DAB1: variants seen among roughly 807,000 people sequenced by gnomAD.
DAB1 encodes disabled homolog 1.
A neutral mutation model predicts 64.6 loss-of-function variants in DAB1; 15 were observed. The ratio of observed to expected loss-of-function variants is 0.23; its 90% CI spans 0.16 to 0.36. DAB1 has a LOEUF of 0.36. DAB1 is among the 10% of genes least tolerant of loss of function. The pLI is 1.00. For synonymous variants in DAB1, 235 were observed against 251.9 expected, an observed-to-expected ratio of 0.93 and a Z score of 0.64; for missense variants, 596 against 706.7, an observed-to-expected ratio of 0.84 and a Z score of 1.78.
At chr1:57,357,812 AACTC>A (rs1558231731) in intron 1 of DAB1, among the ~76,000 whole-genome samples, 1 of 151,854 alleles carries the variant, frequency 6.6e-6, no homozygotes, top group Non-Finnish European at 1.5e-5. Flanking sequence ...ATCTCATGAG[AACTC>A]ACTCACTATC....
chr1:58,450,205 G>A (rs943490070), intron 3 of DAB1, among the ~76,000 whole-genome samples: 3 of 152,184 alleles, frequency 2.0e-5, no homozygotes, highest in Non-Finnish European at 4.4e-5. Context: ...GGGTGAATCT[G>A]CCAAGGAAAC....
intron 2 of DAB1, among the ~76,000 whole-genome samples, chr1:57,245,726 G>T (rs1003613841): frequency 6.6e-6 from 1 of 152,182 alleles, no homozygotes; most frequent in Non-Finnish European, 1.5e-5. Flanking sequence ...ATTGCGAATA[G>T]TGCCGCAATA....
intron 2 of DAB1, among the ~76,000 whole-genome samples, chr1:57,232,114 G>A (rs756274573): frequency 1.3e-5 from 2 of 151,976 alleles, no homozygotes; most frequent in Non-Finnish European, 2.9e-5. Context: ...GGCCACTGCC[G>A]CCCATGCCCT....
rs185060348 is a variant in DAB1, at chr1:57,895,444, A to G, written n.388-11282T>C. ...TTAACCATCACATTATTGCCTCTAG[A>G]TATTCCAGAAACAACTAAATCAACC... On this transcript the variant is annotated intron_variant and non_coding_transcript_variant, in intron 5 of 20. Coordinates refer to the DAB1 transcript ENST00000485760. Among the ~76,000 whole-genome samples, 292 of 152,298 alleles carry G rather than the reference A, an allele frequency of 1.9e-3. 2 individuals are homozygous for G. Among genetic ancestry groups the G allele is most frequent in the African/African-American group, 6.7e-3 (280 of 41,572 alleles).
intron 7 of DAB1, among the ~76,000 whole-genome samples, chr1:57,477,134 A>T (rs1326471617): frequency 6.6e-6 from 1 of 152,224 alleles, no homozygotes; most frequent in Non-Finnish European, 1.5e-5. Context: ...TCAGCGAGAC[A>T]AAGATCTGTT....
intron 4 of DAB1, among the ~76,000 whole-genome samples, chr1:58,297,174 C>A (rs969367960): frequency 6.6e-6 from 1 of 152,212 alleles, no homozygotes; most frequent in Non-Finnish European, 1.5e-5. Context: ...ATTCAAGCTT[C>A]TTTCACTTAT....
chr1:57,323,047 A>ATG (rs1675850262), intron 1 of DAB1, among the ~76,000 whole-genome samples: 1 of 151,560 alleles, frequency 6.6e-6, no homozygotes, highest in Non-Finnish European at 1.5e-5. Context: ...GAGTTCTGAG[A>ATG]TTTTTTTTTG....
At chr1:58,236,417 C>T (rs1660045126) in intron 4 of DAB1, among the ~76,000 whole-genome samples, 1 of 152,076 alleles carries the variant, frequency 6.6e-6, no homozygotes, top group East Asian at 1.9e-4. Context: ...ATCGGAAAGA[C>T]GCATGGGGGA....
chr1:57,828,518 G>A (rs2101901925), intron 1 of DAB1, among the ~76,000 whole-genome samples: 1 of 152,068 alleles, frequency 6.6e-6, no homozygotes, highest in Non-Finnish European at 1.5e-5. Flanking sequence ...CACATATTAT[G>A]TGCTCAACAA....
chr1:57,645,848 C>T (rs900719058), intron 7 of DAB1, among the ~76,000 whole-genome samples: 2 of 152,162 alleles, frequency 1.3e-5, no homozygotes, highest in African/African-American at 4.8e-5. Context: ...GGGGAAATTA[C>T]CACCTGGTTA....
chr1:57,255,446 G>A (rs1005191146), intron 2 of DAB1, among the ~76,000 whole-genome samples: 5 of 152,154 alleles, frequency 3.3e-5, no homozygotes, highest in Admixed American at 3.3e-4. Flanking sequence ...CAGACTGCTT[G>A]AGCCCAGGAG....
intron 4 of DAB1, among the ~76,000 whole-genome samples, chr1:57,101,579 A>T (rs1416213123): frequency 6.6e-6 from 1 of 152,214 alleles, no homozygotes; most frequent in Non-Finnish European, 1.5e-5. Flanking sequence ...AGAGCCATTG[A>T]AATAAAAAGA....
At chr1:58,330,843 C>A (rs1308134292) in intron 4 of DAB1, among the ~76,000 whole-genome samples, 1 of 152,178 alleles carries the variant, frequency 6.6e-6, no homozygotes, top group African/African-American at 2.4e-5. Context: ...ATTGAAAATG[C>A]ACCTGGTCAT....
At chr1:58,277,820 G>A (rs1203157969) in intron 4 of DAB1, among the ~76,000 whole-genome samples, 1 of 152,180 alleles carries the variant, frequency 6.6e-6, no homozygotes, top group African/African-American at 2.4e-5. Flanking sequence ...TTTCTGTCCT[G>A]TGAGCCGCCA....
chr1:58,222,148 CTTAACT>C (rs1659204888), intron 4 of DAB1, among the ~76,000 whole-genome samples: 1 of 152,140 alleles, frequency 6.6e-6, no homozygotes, highest in Admixed American at 6.5e-5. Context: ...AACTGTGGAA[CTTAACT>C]TTAGGGAAGA....
chr1:57,425,455 T>G (rs1425725821), upstream of DAB1, among the ~76,000 whole-genome samples: 1 of 152,154 alleles, frequency 6.6e-6, no homozygotes, highest in Non-Finnish European at 1.5e-5. Flanking sequence ...ATATTTAGCC[T>G]AATGCACTCC....
chr1:58,505,482 A>G (rs1368140258), intron 3 of DAB1, among the ~76,000 whole-genome samples: 2 of 152,180 alleles, frequency 1.3e-5, no homozygotes, highest in Non-Finnish European at 2.9e-5. Context: ...AGGATACTGA[A>G]AACTACTTGG....
intron 2 of DAB1, among the ~76,000 whole-genome samples, chr1:58,526,357 T>C (rs1456670591): frequency 3.3e-5 from 5 of 152,116 alleles, no homozygotes; most frequent in Non-Finnish European, 7.4e-5. Context: ...AATAAAATGA[T>C]TAATAGTTTT....
chr1:57,560,422 C>T (rs1361860549), intron 7 of DAB1, among the ~76,000 whole-genome samples: 1 of 152,186 alleles, frequency 6.6e-6, no homozygotes, highest in East Asian at 1.9e-4. Context: ...GGACCTTCTA[C>T]CTCAGTAAAA....
Sources: allele counts gnomAD v4.1 joint callset (sites outside exome capture counted in the v4.1 genomes callset), GRCh38; gene constraint gnomAD v4.1.1; transcripts MANE v1.5; gene names NCBI Gene and HGNC (gene_info 2026-07-23, HGNC 2026-07-21).